Variants in GPC3 observed in about 807,000 individuals in gnomAD.
GPC3 encodes glypican-3.
GPC3 carries 3 observed loss-of-function variants against 34.4 expected under a neutral mutation model. The ratio of observed to expected loss-of-function variants is 0.09; its 90% CI spans 0.04 to 0.23. GPC3 has a LOEUF of 0.23. Ranked by LOEUF, GPC3 falls within the 10% of genes least tolerant of loss-of-function variation. The probability of loss-of-function intolerance (pLI) is 1.00; values close to 1 mark genes in which losing one functional copy is unlikely to be tolerated. For synonymous variants in GPC3, 177 were observed against 174.0 expected (o/e 1.02, Z -0.13); for missense variants, 351 against 445.6 (o/e 0.79, Z 1.91).
At chrX:133,841,896 T>C (rs1305675537) in intron 2 of GPC3, among the ~76,000 whole-genome samples, 1 of 112,507 alleles carries the variant, frequency 8.9e-6, no homozygotes, top group East Asian at 2.8e-4. Flanking sequence ...TCTCCCCTGC[T>C]GAATGCTTCC....
chrX:133,918,722 G>T (rs1244381542), intron 2 of GPC3, among the ~76,000 whole-genome samples: 1 of 111,731 alleles, frequency 9.0e-6, no homozygotes, highest in African/African-American at 3.3e-5. Flanking sequence ...TACCAGAGTG[G>T]ATGGCACCTT....
At position 133,884,100 on chromosome X, in the gene GPC3, T is replaced by C. The variant is rs762054093; in HGVS notation, c.337+68950A>G. Among the ~76,000 whole-genome samples the C allele has an allele frequency of 9.9e-5, 11 of 111,629 alleles. No individual in the cohort carries two copies. In the East Asian group the frequency reaches 3.1e-3, roughly 31 times the overall value. ...ATTAAGTCTATAGTCCAGAGCTCATTGAGATCCCAGAGTCAAGAAAAGTTT... is the reference window on the plus strand; with the variant it reads ...ATTAAGTCTATAGTCCAGAGCTCATCGAGATCCCAGAGTCAAGAAAAGTTT... On this transcript the variant is annotated intron_variant, in intron 2 of 7. Coordinates refer to ENST00000370818, the MANE Select transcript of GPC3 (RefSeq NM_004484.4).
intron 1 of GPC3, among the ~76,000 whole-genome samples, chrX:133,984,572 G>C (rs1180779930): frequency 8.9e-6 from 1 of 111,851 alleles, no homozygotes; most frequent in Non-Finnish European, 1.9e-5. Context: ...GAATTTGGGA[G>C]GGGGAGGAGT....
intron 7 of GPC3, among the ~76,000 whole-genome samples, chrX:133,586,280 C>T (rs781348937): frequency 1.8e-5 from 2 of 111,395 alleles, no homozygotes; most frequent in African/African-American, 6.5e-5. Flanking sequence ...CAGGTAATAC[C>T]ACTGCTAAAG....
intron 2 of GPC3, among the ~76,000 whole-genome samples, chrX:133,883,157 G>A (rs2076049286): frequency 9.0e-6 from 1 of 111,276 alleles, no homozygotes; most frequent in Non-Finnish European, 1.9e-5. Flanking sequence ...TAAAAAACCT[G>A]CAAAAGGTTA....
intron 2 of GPC3, among the ~76,000 whole-genome samples, chrX:133,841,700 C>G (rs2075825117): frequency 9.0e-6 from 1 of 111,687 alleles, no homozygotes; most frequent in Non-Finnish European, 1.9e-5. Context: ...TTGAGGGATA[C>G]AAAGTATTAA....
chrX:133,979,611 C>T (rs2076529888), intron 1 of GPC3, among the ~76,000 whole-genome samples: 1 of 111,733 alleles, frequency 8.9e-6, no homozygotes. Flanking sequence ...TTTCAAAACA[C>T]GCATTTTCTC....
At chrX:133,894,732 C>T (rs1459052844) in intron 2 of GPC3, among the ~76,000 whole-genome samples, 3 of 111,495 alleles carry the variant, frequency 2.7e-5, no homozygotes, top group African/African-American at 9.8e-5. Flanking sequence ...CCCAGCTACT[C>T]GGGAGGCTGA....
At chrX:133,716,145 C>T (rs1296718305) in intron 3 of GPC3, among the ~76,000 whole-genome samples, 2 of 112,333 alleles carry the variant, frequency 1.8e-5, no homozygotes, top group African/African-American at 6.5e-5. Flanking sequence ...GAAATAAGAA[C>T]TACCACCACA....
intron 5 of GPC3, 71 bp from the exon 6 acceptor site, chrX:133,661,921 G>C: frequency 2.6e-6 from 3 of 1,161,718 alleles, no homozygotes; most frequent in South Asian, 3.6e-5. Context: ...GACTGTATTT[G>C]GCATCAACAG....
intron 2 of GPC3, among the ~76,000 whole-genome samples, chrX:133,893,081 C>A (rs1302739583): frequency 2.7e-5 from 3 of 110,942 alleles, no homozygotes; most frequent in Non-Finnish European, 5.7e-5. Flanking sequence ...CATGGTGAAA[C>A]CCTGTCTCTA....
rs747933485 is a variant in GPC3, at chrX:133,564,044, G to A, written c.1574-27751C>T. The stretch of plus-strand genomic sequence containing the variant: ...AAGTCTGGGATTCAGGCACAAACTA[G>A]AGTGATACGCCACTGTTAGTTTGGT... On this transcript the variant is annotated intron_variant, in intron 7 of 7. Transcript: ENST00000370818. Among the ~76,000 whole-genome samples, 150 of 111,036 alleles carry A rather than the reference G, an allele frequency of 1.4e-3. 1 individual carries two copies. The highest frequency in any genetic ancestry group is 4.6e-3 in the African/African-American group (142 of 30,575).
At chrX:133,564,853 T>C (rs1750730688) in intron 7 of GPC3, among the ~76,000 whole-genome samples, 1 of 112,234 alleles carries the variant, frequency 8.9e-6, no homozygotes, top group African/African-American at 3.2e-5. Context: ...TGCATGCCAA[T>C]GGACCAAACC....
rs182801186 is a variant in GPC3, at chrX:133,707,739, C to T, written c.1033-7711G>A. On this transcript the variant is annotated intron_variant, in intron 3 of 7. Coordinates refer to ENST00000370818, the MANE Select transcript of GPC3 (RefSeq NM_004484.4). Reference sequence around the variant, plus strand: ...TATAATTAATAGTGTGTTAATTATCCGAGATAATTTTTTAATGGGGGGGCA... The same window carrying T: ...TATAATTAATAGTGTGTTAATTATCTGAGATAATTTTTTAATGGGGGGGCA... Among the ~76,000 whole-genome samples the T allele has an allele frequency of 8.2e-4, 90 of 110,197 alleles. No homozygotes were observed. The East Asian group carries it at 0.02, about 24-fold the overall frequency.
chrX:133,749,161 C>T (rs747911743), intron 3 of GPC3, among the ~76,000 whole-genome samples: 3 of 111,454 alleles, frequency 2.7e-5, no homozygotes, highest in African/African-American at 9.8e-5. Flanking sequence ...CTCGGGAGGC[C>T]GAGGCATGAG....
At chrX:133,793,585 C>G (rs756912984) in intron 2 of GPC3, among the ~76,000 whole-genome samples, 170 of 111,322 alleles carry the variant, frequency 1.5e-3, no homozygotes, top group Non-Finnish European at 2.9e-3. Flanking sequence ...GGGTGACATC[C>G]TTTTATGAAC....
At chrX:133,614,574 T>C (rs902553700) in intron 6 of GPC3, among the ~76,000 whole-genome samples, 1 of 111,464 alleles carries the variant, frequency 9.0e-6, no homozygotes, top group African/African-American at 3.3e-5. Flanking sequence ...GAGAGTTTGC[T>C]ATTAGTAGAC....
intron 2 of GPC3, among the ~76,000 whole-genome samples, chrX:133,917,938 T>G (rs1268785601): frequency 8.9e-6 from 1 of 111,818 alleles, no homozygotes; most frequent in Non-Finnish European, 1.9e-5. Flanking sequence ...GCCCACCCTC[T>G]GGCATACTTA....
chrX:133,952,638 C>T (rs1003327778), intron 2 of GPC3, among the ~76,000 whole-genome samples: 46 of 112,502 alleles, frequency 4.1e-4, no homozygotes, highest in Admixed American at 4.0e-3. Flanking sequence ...CAGTGTCTGC[C>T]TCTTAAATGG....
Sources: allele counts gnomAD v4.1 joint callset (sites outside exome capture counted in the v4.1 genomes callset), GRCh38; gene constraint gnomAD v4.1.1; transcripts MANE v1.5; gene names NCBI Gene and HGNC (gene_info 2026-07-23, HGNC 2026-07-21).